The following SLC7A7 variants were observed in gnomAD, a reference collection of about 807,000 sequenced individuals.
The protein encoded by SLC7A7 is Y+L amino acid transporter 1.
Under a neutral mutation model 47.9 loss-of-function variants are expected in SLC7A7, and 39 were observed. The observed-to-expected ratio is 0.81, with a 90% CI of 0.63 to 1.06. SLC7A7 has a LOEUF of 1.06. SLC7A7 is among the 50% of genes least tolerant of loss of function. The pLI, the probability that SLC7A7 is intolerant of heterozygous loss-of-function variation, is 0.00. For synonymous variants in SLC7A7, 234 were observed against 242.8 expected, an observed-to-expected ratio of 0.96 and a Z score of 0.34; for missense variants, 588 against 632.0, an observed-to-expected ratio of 0.93 and a Z score of 0.75.
chr14:22,776,283 A>G lies in SLC7A7; in HGVS notation c.806T>C (p.Ile269Thr), dbSNP rs768368009. 2 of 1,614,130 alleles carry G rather than the reference A, an allele frequency of 1.2e-6. No homozygotes were observed. Among genetic ancestry groups the G allele is most frequent in the Non-Finnish European group, 1.7e-6 (2 of 1,180,042 alleles). ...GGTCAAGATATAGATGATGGTGACA[A>G]TGGGCATGGAGATGCCAATGGAGAG... ...LPLSIGISMPIVTIIYILTNV... is the reference protein window; with the variant it reads ...LPLSIGISMPTVTIIYILTNV... Residue 269 changes from isoleucine (I) to threonine (T), a missense_variant, in exon 5 of 10, where the codon ATT becomes ACT. Physicochemically the swap from Ile to Thr is moderately conservative, Grantham distance 89. Transcript: ENST00000674313.
At chr14:22,810,039 C>CAAAAAAAAAAAAAAAAAAAAAAAA (rs34386018) in intron 2 of SLC7A7, among the ~76,000 whole-genome samples, 1 of 60,692 alleles carries the variant, frequency 1.6e-5, no homozygotes, top group Non-Finnish European at 2.8e-5. Context: ...AACACTGTCT[C>CAAAAAAAAAAAAAAAAAAAAAAAA]AAAAAAAAAA....
chr14:22,783,987 G>A (rs1431740240), intron 2 of SLC7A7, among the ~76,000 whole-genome samples: 4 of 152,232 alleles, frequency 2.6e-5, no homozygotes, highest in Non-Finnish European at 4.4e-5. Flanking sequence ...GGTATGGCAG[G>A]CAGCAGTGCT....
chr14:22,778,762 T>C (rs2038661602), intron 4 of SLC7A7, 31 bp downstream of exon 4: 12 of 1,609,668 alleles, frequency 7.5e-6, no homozygotes, highest in Non-Finnish European at 9.4e-6. Context: ...TGGCTATCAC[T>C]GCTATGGAAA....
chr14:22,786,694 G>A (rs1400494922), intron 2 of SLC7A7, among the ~76,000 whole-genome samples: 2 of 152,158 alleles, frequency 1.3e-5, no homozygotes, highest in African/African-American at 2.4e-5. Context: ...AGCATTTTGG[G>A]AGGCCGAGGT....
intron 8 of SLC7A7, 118 bp from the exon 9 acceptor site, chr14:22,774,234 C>G: frequency 2.5e-6 from 4 of 1,591,344 alleles, no homozygotes; most frequent in Non-Finnish European, 3.4e-6. Context: ...TTAATTTCAA[C>G]ACATTACTAA....
At chr14:22,800,255 AG>A (rs2039089165) in intron 2 of SLC7A7, among the ~76,000 whole-genome samples, 1 of 152,248 alleles carries the variant, frequency 6.6e-6, no homozygotes, top group Non-Finnish European at 1.5e-5. Context: ...TCATTGCCTT[AG>A]AAGACAGCCC....
At chr14:22,817,341 T>A (rs2039421122), upstream of SLC7A7, 1 of 215,838 alleles carries the variant, frequency 4.6e-6, no homozygotes, top group East Asian at 1.6e-4. Context: ...TTTATTTTAT[T>A]TTATTTTATT....
rs571684395 is a variant in SLC7A7, at chr14:22,797,485, AG to A, written c.499+15414del. ...AGGCCCTGTGCAGGCTCTGAGATTA[AG>A]ATCCAGTCTCCAGCCTTCACTCAAA... On this transcript the variant is annotated intron_variant, in intron 2 of 9. Transcript: ENST00000674313. 4.9e-4 allele frequency among the ~76,000 whole-genome samples: 75 copies of A among 152,342 alleles called. 1 individual carries two copies. Among genetic ancestry groups the A allele is most frequent in the African/African-American group, 1.8e-3 (73 of 41,582 alleles).
Position 22,775,935 on chromosome 14 carries a change from G to C in SLC7A7, c.896C>G (p.Thr299Ser), listed in dbSNP as rs1409622896. ...TATTCCAAATATCTGATCTGCAAAA[G>C]TCTAAGGGAAAAGAATGGAAGAGTC... Reference protein sequence around the residue: ...DILASDAVAVTFADQIFGIFN... With the variant: ...DILASDAVAVSFADQIFGIFN... Residue 299 changes from threonine to serine, a missense_variant and splice_region_variant, in exon 6 of 10, where the codon ACT becomes AGT. Coordinates refer to ENST00000674313, the MANE Select transcript of SLC7A7 (RefSeq NM_003982.4). The C allele has an allele frequency of 6.2e-7, 1 of 1,610,250 alleles. No individual in the cohort carries two copies. The highest frequency in any genetic ancestry group is 1.1e-5 in the South Asian group (1 of 91,012).
chr14:22,812,144 G>T (rs1025168169), intron 2 of SLC7A7, among the ~76,000 whole-genome samples: 4 of 150,736 alleles, frequency 2.7e-5, no homozygotes, highest in Admixed American at 1.3e-4. Flanking sequence ...TTTTGTAAAA[G>T]AACAAAACTA....
chr14:22,778,708 G>A, intron 4 of SLC7A7, 85 bp downstream of exon 4: 2 of 1,443,932 alleles, frequency 1.4e-6, no homozygotes, highest in Non-Finnish European at 1.9e-6. Flanking sequence ...CCTCATAGTG[G>A]TTGTGGTATG....
intron 2 of SLC7A7, among the ~76,000 whole-genome samples, chr14:22,811,761 A>G (rs1040803761): frequency 6.6e-5 from 10 of 151,478 alleles, no homozygotes; most frequent in South Asian, 2.1e-4. Context: ...CTGAGGCAGG[A>G]GAATCACTTG....
chr14:22,810,530 G>A (rs1167977728), intron 2 of SLC7A7, among the ~76,000 whole-genome samples: 2 of 150,588 alleles, frequency 1.3e-5, no homozygotes, highest in Non-Finnish European at 2.9e-5. Flanking sequence ...ATATTACTTA[G>A]ATGAAATGAT....
intron 2 of SLC7A7, among the ~76,000 whole-genome samples, chr14:22,791,895 C>T (rs943867158): frequency 6.9e-6 from 1 of 144,758 alleles, no homozygotes; most frequent in Non-Finnish European, 1.5e-5. Flanking sequence ...AGTGCAGTGG[C>T]GCCATCTCGG....
chr14:22,782,050 A>C (rs1353459067), intron 2 of SLC7A7, among the ~76,000 whole-genome samples: 2 of 152,176 alleles, frequency 1.3e-5, no homozygotes, highest in African/African-American at 4.8e-5. Context: ...ACCTGCTACC[A>C]CAGCAGATTC....
chr14:22,793,139 G>A lies in SLC7A7; in HGVS notation c.500-13088C>T, dbSNP rs190473770. Among the ~76,000 whole-genome samples, 5 of 151,778 alleles carry A rather than the reference G, an allele frequency of 3.3e-5. No individual in the cohort carries two copies. In the East Asian group the frequency reaches 8.0e-4, roughly 24 times the overall value. ...TCACCGTGTTAGCCAGGATGGTCTC[G>A]ATCTCCTGACCTCGTAATCCGCCCG... On this transcript the variant is annotated intron_variant, in intron 2 of 9. Transcript: ENST00000674313.
chr14:22,778,904 C>A lies in SLC7A7; in HGVS notation c.659G>T (p.Gly220Val). The change falls in exon 4 of 10, where the codon GGT becomes GTT. Residue 220 changes from glycine (G) to valine (V), a missense_variant. Physicochemically the swap from Gly to Val is moderately radical, Grantham distance 109 (BLOSUM62 -3). Transcript: ENST00000674313. The stretch of plus-strand genomic sequence containing the variant: ...AATGTCACCCACTGCAAATGATGAA[C>A]CCTCAAAGGAATTCTCAAAATGAGT... ...ASTHFENSFE[G>V]SSFAVGDIAL... is the part of the protein sequence containing the mutation. 3 of 1,614,100 alleles carry A rather than the reference C, an allele frequency of 1.9e-6. No homozygotes were observed. The highest frequency in any genetic ancestry group is 2.5e-6 in the Non-Finnish European group (3 of 1,180,038).
chr14:22,781,512 T>C (rs1221501765), intron 2 of SLC7A7, among the ~76,000 whole-genome samples: 1 of 152,100 alleles, frequency 6.6e-6, no homozygotes, highest in Non-Finnish European at 1.5e-5. Context: ...CAACAAACCT[T>C]ATCACAGGGC....
chr14:22,773,854 CTT>C, intron 9 of SLC7A7, 77 bp downstream of exon 9: 1 of 1,590,340 alleles, frequency 6.3e-7, no homozygotes, highest in African/African-American at 1.3e-5. Context: ...GCAAAGATGT[CTT>C]TGGAGGCTGG....
Sources: gnomAD v4.1 joint callset for allele counts (sites outside exome capture counted in the v4.1 genomes callset) on GRCh38, gnomAD v4.1.1 for gene constraint, MANE v1.5 for transcripts, NCBI Gene and HGNC (gene_info 2026-07-23, HGNC 2026-07-21) for gene names.